The following TRDMT1 variants were observed in gnomAD, a reference collection of about 807,000 sequenced individuals.
TRDMT1 encodes tRNA (cytosine(38)-C(5))-methyltransferase.
A neutral mutation model predicts 51.2 loss-of-function variants in TRDMT1; 49 were observed. That is an observed-to-expected ratio of 0.96 (90% CI 0.76 to 1.21). The LOEUF is 1.21. TRDMT1 is among the 50% of genes most tolerant of loss of function. TRDMT1 has a pLI of 0.00. For missense variants in TRDMT1, 534 were observed against 462.3 expected (o/e 1.16, Z -1.42); for synonymous variants, 187 against 164.6 (o/e 1.14, Z -1.04).
In TRDMT1 at chr10:17,148,561, A is replaced by C; in HGVS notation, c.*479T>G. On this transcript the variant is annotated 3_prime_UTR_variant, in exon 11 of 11. Transcript: ENST00000377799. ...ATAATTTGGTTTACATATCATATGC[A>C]TTTGTTTAGATGAAATAAAGAAATA... is the stretch of plus-strand genomic sequence containing the variant. The C allele has an allele frequency of 7.1e-6, 7 of 981,088 alleles. No homozygotes were observed. Among genetic ancestry groups the C allele is most frequent in the Non-Finnish European group, 8.5e-6 (7 of 826,036 alleles). The allele number at this position is 981,088 out of a possible 1,614,324, so 60.8% of individuals were successfully genotyped here. A position where few individuals can be genotyped will look rare whatever the true frequency, so the allele number is the denominator to read the frequency against.
rs138825152 is a variant in TRDMT1 at position 17,195,126 on chromosome 10, A to C, written c.64+6445T>G. On this transcript the variant is annotated intron_variant, in intron 1 of 10. Coordinates refer to ENST00000377799, the MANE Select transcript of TRDMT1 (RefSeq NM_004412.7). ...CAAGCTCATTACTGAGTATACATGC[A>C]AAAGAAAGCAAAATCATTCTACCAA... Among the ~76,000 whole-genome samples the C allele has an allele frequency of 2.6e-3, 389 of 152,326 alleles. 2 individuals carry two copies. Among genetic ancestry groups the C allele is most frequent in the African/African-American group, 9.0e-3 (375 of 41,570 alleles).
Position 17,153,511 on chromosome 10 carries a change from C to A in TRDMT1, c.1071G>T (p.Glu357Asp). ...TTCTGCACGTATCCCACATACCGAA[C>A]TCTGGAGGAAATCCAAGGAGATTTG... is the stretch of plus-strand genomic sequence containing the variant. ...EIANLLGFPPEFGFPEKITVK... is the reference protein window; with the variant it reads ...EIANLLGFPPDFGFPEKITVK... The change falls in exon 10 of 11, where the codon GAG (glutamate) becomes GAT (aspartate). Residue 357 changes from glutamate (E) to aspartate (D), a missense_variant. Glu to Asp is a conservative substitution (Grantham distance 45, BLOSUM62 2). Transcript: ENST00000377799. The A allele has an allele frequency of 6.2e-7, 1 of 1,613,986 alleles. No individual in the cohort carries two copies. Among genetic ancestry groups the A allele is most frequent in the Non-Finnish European group, 8.5e-7 (1 of 1,179,936 alleles).
chr10:17,143,027 A>G lies in TRDMT1; in HGVS notation c.*6013T>C. ...TTATTTGCGCTACTTTCCAAAAGCC[A>G]AAAGCCTATCCCAGAATTATTTTTT... On this transcript the variant is annotated 3_prime_UTR_variant, in exon 11 of 11. Transcript: ENST00000377799. The G allele has an allele frequency of 1.0e-6, 1 of 985,490 alleles. No homozygotes were observed. Among genetic ancestry groups the G allele is most frequent in the Non-Finnish European group, 1.2e-6 (1 of 829,944 alleles). The allele number at this position is 985,490 out of a possible 1,614,324, so 61.0% of individuals were successfully genotyped here.
intron 1 of TRDMT1, among the ~76,000 whole-genome samples, chr10:17,177,871 C>G: frequency 6.6e-6 from 1 of 151,910 alleles, no homozygotes; most frequent in East Asian, 1.9e-4. Flanking sequence ...TCTTGACTTT[C>G]CTAACCAAAT....
rs150506746 is a variant in TRDMT1, at chr10:17,200,106, C to T, written c.64+1465G>A. On this transcript the variant is annotated intron_variant, in intron 1 of 10. Transcript: ENST00000377799. ...CTTAGTAACTAGCACACAGTTAAGT[C>T]TTACTGTTGAATTAATTCCAACAGT... is the stretch of plus-strand genomic sequence containing the variant. Among the ~76,000 whole-genome samples, 392 of 152,286 alleles carry T rather than the reference C, an allele frequency of 2.6e-3. 2 individuals are homozygous for T. The highest frequency in any genetic ancestry group is 9.1e-3 in the African/African-American group (378 of 41,560).
At chr10:17,199,416 G>A (rs897974026) in intron 1 of TRDMT1, among the ~76,000 whole-genome samples, 4 of 152,164 alleles carry the variant, frequency 2.6e-5, no homozygotes, top group African/African-American at 7.2e-5. Flanking sequence ...CTCTGGATGA[G>A]GCAACAGCAA....
At chr10:17,175,804 A>G (rs2181043) in intron 1 of TRDMT1, among the ~76,000 whole-genome samples, 48,377 of 151,850 alleles carry the variant, frequency 0.32, 8,013 homozygotes, top group Middle Eastern at 0.39. Context: ...ATAACCTTCC[A>G]CTGAGGCCTA....
At chr10:17,171,661 C>G (rs1196040820) in intron 2 of TRDMT1, 2 of 152,190 alleles carry the variant, frequency 1.3e-5, no homozygotes, top group African/African-American at 4.8e-5. Flanking sequence ...CATTTATCTG[C>G]AAAGACATAT....
chr10:17,193,865 C>CA (rs1336475337), intron 1 of TRDMT1, among the ~76,000 whole-genome samples: 1 of 152,100 alleles, frequency 6.6e-6, no homozygotes, highest in African/African-American at 2.4e-5. Flanking sequence ...CAATCCTAAG[C>CA]AAAAAGAACA....
chr10:17,169,704 A>G (rs1339494546), intron 2 of TRDMT1, among the ~76,000 whole-genome samples: 7 of 152,228 alleles, frequency 4.6e-5, no homozygotes, highest in Non-Finnish European at 7.3e-5. Flanking sequence ...ACATGAATAA[A>G]GCAGGAAAAG....
chr10:17,198,142 T>C (rs7089596), intron 1 of TRDMT1, among the ~76,000 whole-genome samples: 121,975 of 152,086 alleles, frequency 0.8, 49,249 homozygotes, highest in Middle Eastern at 0.88. Flanking sequence ...AGAATGGCTA[T>C]TATTTTTAAA....
chr10:17,151,014 T>C, intron 10 of TRDMT1: 2 of 979,112 alleles, frequency 2.0e-6, no homozygotes, highest in Non-Finnish European at 2.4e-6. Context: ...TGCATGTGTG[T>C]GTGTGTGCGT....
intron 1 of TRDMT1, among the ~76,000 whole-genome samples, chr10:17,183,498 A>G (rs1177426186): frequency 6.6e-6 from 1 of 152,022 alleles, no homozygotes; most frequent in African/African-American, 2.4e-5. Context: ...GCTCACTGCA[A>G]TCTCCACCTC....
rs920133485 is a variant in TRDMT1 at position 17,140,646 on chromosome 10, A to G, written c.*8394T>C. 2.2e-4 allele frequency among the ~76,000 whole-genome samples: 33 copies of G among 152,226 alleles called. No homozygotes were observed. The highest frequency in any genetic ancestry group is 8.3e-4 in the South Asian group (4 of 4,832). ...CAAGCTTACAATGAACAGACTCTAC[A>G]GTAAAGACTTGAAACTGAGTGTTTT... On this transcript the variant is annotated 3_prime_UTR_variant, in exon 11 of 11. Coordinates refer to ENST00000377799, the MANE Select transcript of TRDMT1 (RefSeq NM_004412.7).
In TRDMT1 at chr10:17,159,209, C is replaced by G. The variant is rs937354724; in HGVS notation, c.480G>C (p.Arg160Ser). ...GCTTTGCAATAAGAAAATATCGTAG[C>G]CTTGAATTTGGAATGCCAAGCTGTA... The part of the protein sequence containing the change: ...SPTSLGIPNS[R>S]LRYFLIAKLQ... The change falls in exon 7 of 11, where the codon AGG becomes AGC. Residue 160 changes from arginine to serine, a missense_variant. Coordinates refer to ENST00000377799, the MANE Select transcript of TRDMT1 (RefSeq NM_004412.7). The G allele has an allele frequency of 2.5e-6, 4 of 1,601,838 alleles. No individual in the cohort carries two copies. In the East Asian group the frequency reaches 9.0e-5, roughly 36 times the overall value.
rs912492001 is a variant in TRDMT1 at position 17,173,828 on chromosome 10, G to A, written c.174+723C>T. Among the ~76,000 whole-genome samples the A allele has an allele frequency of 1.5e-4, 21 of 143,852 alleles. No homozygotes were observed. The East Asian group carries it at 1.8e-3, about 13-fold the overall frequency. The allele number at this position is 143,852 out of a possible 152,430, so 94.4% of individuals were successfully genotyped here. On this transcript the variant is annotated intron_variant, in intron 2 of 10. Coordinates refer to ENST00000377799, the MANE Select transcript of TRDMT1 (RefSeq NM_004412.7). Reference sequence around the variant, plus strand: ...CGACCAGGCTGGAGTGCAGTGGCGCGATCTCAGCTCACTGCAACCTCCGCC... The same window carrying A: ...CGACCAGGCTGGAGTGCAGTGGCGCAATCTCAGCTCACTGCAACCTCCGCC...
intron 10 of TRDMT1, chr10:17,152,110 GA>G (rs760039588): frequency 8.5e-5 from 107 of 1,258,164 alleles, no homozygotes; most frequent in Admixed American, 3.9e-4. Flanking sequence ...CTGAAAAAAG[GA>G]AAAAAAAATA....
chr10:17,189,094 G>C (rs1008468150), intron 1 of TRDMT1, among the ~76,000 whole-genome samples: 4 of 152,138 alleles, frequency 2.6e-5, no homozygotes, highest in African/African-American at 9.7e-5. Flanking sequence ...TAGTAATTGA[G>C]TAATATGAAG....
At position 17,146,513 on chromosome 10, in the gene TRDMT1, CTCTTAG is replaced by C; in HGVS notation, c.*2521_*2526del. The C allele has an allele frequency of 1.0e-6, 1 of 985,288 alleles. No individual in the cohort carries two copies. The highest frequency in any genetic ancestry group is 1.2e-6 in the Non-Finnish European group (1 of 829,804). 61.0% of individuals were successfully genotyped at this position (985,288 alleles called of 1,614,324 possible). A position where few individuals can be genotyped will look rare whatever the true frequency, so the allele number is the denominator to read the frequency against. On this transcript the variant is annotated 3_prime_UTR_variant, in exon 11 of 11. Transcript: ENST00000377799. The stretch of plus-strand genomic sequence containing the variant: ...TGTTTACATTAATTGATTTGGTCAT[CTCTTAG>C]AATTAGTTTTGGATCCTGAAGACAT...
Sources: allele counts gnomAD v4.1 joint callset (sites outside exome capture counted in the v4.1 genomes callset), GRCh38; gene constraint gnomAD v4.1.1; transcripts MANE v1.5; gene names NCBI Gene and HGNC (gene_info 2026-07-23, HGNC 2026-07-21).